The following PAX8 variants were observed in gnomAD, a reference collection of about 807,000 sequenced individuals.
PAX8 encodes the protein paired box protein Pax-8.
Under a neutral mutation model 52.4 loss-of-function variants are expected in PAX8, and 15 were observed. That is an observed-to-expected ratio of 0.29 (90% CI 0.19 to 0.44). The LOEUF (loss-of-function observed/expected upper bound fraction) is 0.44, where lower values mean the gene tolerates loss of function less well. Among genes scored for constraint, PAX8 ranks in the 20% least tolerant of loss-of-function variants. The probability of loss-of-function intolerance (pLI) is 1.00; values close to 1 mark genes in which losing one functional copy is unlikely to be tolerated. For missense variants in PAX8, 554 were observed against 602.5 expected, an observed-to-expected ratio of 0.92 and a Z score of 0.84; for synonymous variants, 284 against 249.7, an observed-to-expected ratio of 1.14 and a Z score of -1.29.
intron 10 of PAX8, among the ~76,000 whole-genome samples, chr2:113,223,160 G>A (rs1013456564): frequency 6.6e-6 from 1 of 151,730 alleles, no homozygotes; most frequent in African/African-American, 2.4e-5. Context: ...ATCATAACAC[G>A]GCCCAAAAAA....
intron 2 of PAX8, among the ~76,000 whole-genome samples, chr2:113,261,827 T>G (rs1692704418): frequency 6.6e-6 from 1 of 152,082 alleles, no homozygotes. Flanking sequence ...TTTAGGTTTT[T>G]TTTTTTTTTT....
At chr2:113,256,133 G>T (rs1467659079) in intron 2 of PAX8, among the ~76,000 whole-genome samples, 1 of 152,228 alleles carries the variant, frequency 6.6e-6, no homozygotes, top group African/African-American at 2.4e-5. Context: ...CTTGGTCAGA[G>T]GACAGAAACC....
At chr2:113,262,916 A>C (rs1219663981) in intron 2 of PAX8, among the ~76,000 whole-genome samples, 2 of 152,236 alleles carry the variant, frequency 1.3e-5, no homozygotes, top group African/African-American at 4.8e-5. Flanking sequence ...TCTATTATGT[A>C]AGCCCTCCAG....
chr2:113,277,076 A>G (rs956621376), intron 2 of PAX8, among the ~76,000 whole-genome samples: 63 of 152,214 alleles, frequency 4.1e-4, no homozygotes, highest in Non-Finnish European at 7.8e-4. Flanking sequence ...GCTCGGTCCC[A>G]GGGCTCCCCA....
At chr2:113,246,444 G>T (rs982946470) in intron 3 of PAX8, among the ~76,000 whole-genome samples, 17 of 152,198 alleles carry the variant, frequency 1.1e-4, no homozygotes, top group Non-Finnish European at 2.9e-5. Context: ...CTTGGGGGAA[G>T]ATTCTCTTGC....
intron 8 of PAX8, 162 bp downstream of exon 8, chr2:113,236,439 C>T (rs1010115844): frequency 3.2e-6 from 2 of 624,520 alleles, no homozygotes; most frequent in African/African-American, 1.9e-5. Context: ...CCTTGAGGCC[C>T]GGCCTAGGAC....
chr2:113,232,016 T>C (rs565062306), intron 9 of PAX8, among the ~76,000 whole-genome samples: 51 of 152,246 alleles, frequency 3.3e-4, no homozygotes, highest in African/African-American at 1.2e-3. Flanking sequence ...GTGTGAGCCA[T>C]TGGGCCCAGG....
At chr2:113,224,839 T>TATAAAATAAA (rs56177103) in intron 10 of PAX8, among the ~76,000 whole-genome samples, 112 of 143,632 alleles carry the variant, frequency 7.8e-4, no homozygotes, top group South Asian at 4.4e-3. Context: ...TAAAATAAAA[T>TATAAAATAAA]ATAAAATAAA....
intron 2 of PAX8, 34 bp from the exon 3 acceptor site, chr2:113,246,953 G>C: frequency 1.3e-6 from 2 of 1,594,594 alleles, no homozygotes; most frequent in Non-Finnish European, 1.7e-6. Context: ...ACAGCTGTCA[G>C]GGTCAGGTAG....
At chr2:113,236,501 T>A (rs1419564711) in intron 8 of PAX8, 100 bp downstream of exon 8, 1 of 1,380,108 alleles carries the variant, frequency 7.2e-7, no homozygotes. Flanking sequence ...ACAGCCCGCC[T>A]CTCCTCTCCA....
chr2:113,278,779 A>C, intron 1 of PAX8, 52 bp downstream of exon 1: 1 of 892,708 alleles, frequency 1.1e-6, no homozygotes, highest in Non-Finnish European at 1.4e-6. Context: ...CCTTTCTTCC[A>C]TCCCCCGTCC....
chr2:113,275,761 G>A (rs1357396344), intron 2 of PAX8: 1 of 152,038 alleles, frequency 6.6e-6, no homozygotes, highest in Non-Finnish European at 1.5e-5. Context: ...AGAGAATTTC[G>A]TCCCTGATGC....
chr2:113,226,597 GA>G (rs1359253347), intron 10 of PAX8: 2 of 1,050,740 alleles, frequency 1.9e-6, no homozygotes, highest in Non-Finnish European at 2.3e-6. Context: ...AGAGTACCTA[GA>G]ACCCGGGTCC....
chr2:113,258,003 G>T (rs1330525471), intron 2 of PAX8, among the ~76,000 whole-genome samples: 1 of 152,172 alleles, frequency 6.6e-6, no homozygotes, highest in African/African-American at 2.4e-5. Context: ...AGATGCCATA[G>T]TGAATGCTCT....
rs141291140 is a variant in PAX8, at chr2:113,276,298, A to G, written c.25+2072T>C. On this transcript the variant is annotated intron_variant, in intron 2 of 11. Coordinates refer to ENST00000429538, the MANE Select transcript of PAX8 (RefSeq NM_003466.4). ...AAACAGGGAGCGCCTTCAGCAGTCT[A>G]TGCGGTTATAGGCCATTTTCTTGTT... 4.2e-3 allele frequency: 637 copies of G among 152,348 alleles called. 5 individuals are homozygous for G. The highest frequency in any genetic ancestry group is 0.01 in the Middle Eastern group (3 of 294). The allele number at this position is 152,348 out of a possible 1,614,324, so 9.4% of individuals were successfully genotyped here. A position where few individuals can be genotyped will look rare whatever the true frequency, so the allele number is the denominator to read the frequency against.
chr2:113,256,614 GTGTATATA>G (rs772906784), intron 2 of PAX8, among the ~76,000 whole-genome samples: 1 of 141,356 alleles, frequency 7.1e-6, no homozygotes, highest in African/African-American at 2.6e-5. Context: ...ATATGTGTGT[GTGTATATA>G]TATATATATG....
chr2:113,264,439 A>G (rs1354093223), intron 2 of PAX8, among the ~76,000 whole-genome samples: 1 of 152,276 alleles, frequency 6.6e-6, no homozygotes, highest in East Asian at 1.9e-4. Flanking sequence ...GGAAAGGATC[A>G]GGTGTATTTC....
At chr2:113,236,748 C>A in intron 7 of PAX8, 27 bp from the exon 8 acceptor site, 1 of 1,546,228 alleles carries the variant, frequency 6.5e-7, no homozygotes. Flanking sequence ...AGTCAGCGCA[C>A]AGAGACGATC....
chr2:113,221,833 C>T (rs77012388), intron 10 of PAX8, among the ~76,000 whole-genome samples: 2,793 of 152,114 alleles, frequency 0.018, 106 homozygotes, highest in African/African-American at 0.064. Flanking sequence ...ACTGGATCCT[C>T]TCCTTGTCTA....
Sources: allele counts gnomAD v4.1 joint callset (sites outside exome capture counted in the v4.1 genomes callset), GRCh38; gene constraint gnomAD v4.1.1; transcripts MANE v1.5; gene names NCBI Gene and HGNC (gene_info 2026-07-23, HGNC 2026-07-21).